Variants in SYT16 observed in about 807,000 individuals in gnomAD.
SYT16 encodes synaptotagmin 16.
In SYT16, 42 loss-of-function variants were observed where a neutral mutation model predicts 61.4. The ratio of observed to expected loss-of-function variants is 0.68; its 90% confidence interval spans 0.53 to 0.89. SYT16 has a LOEUF of 0.89. Ranked by LOEUF, SYT16 falls within the 40% of genes least tolerant of loss-of-function variation. SYT16 has a pLI of 0.00. For missense variants in SYT16, 804 were observed against 807.3 expected, an observed-to-expected ratio of 1.00 and a Z score of 0.05; for synonymous variants, 314 against 302.3, an observed-to-expected ratio of 1.04 and a Z score of -0.40.
chr14:61,958,562 A>C (rs533724702), intron 1 of SYT16, among the ~76,000 whole-genome samples: 52 of 152,002 alleles, frequency 3.4e-4, no homozygotes, highest in African/African-American at 1.1e-3. Context: ...TGTATTTGTG[A>C]ATTTCCCATT....
At chr14:62,047,048 A>T (rs1001009507) in intron 3 of SYT16, among the ~76,000 whole-genome samples, 1 of 152,158 alleles carries the variant, frequency 6.6e-6, no homozygotes, top group African/African-American at 2.4e-5. Flanking sequence ...CTTGGGCAGT[A>T]TGGCCATTTT....
At chr14:61,874,809 T>C (rs1566643773) in intron 1 of SYT16, among the ~76,000 whole-genome samples, 1 of 150,552 alleles carries the variant, frequency 6.6e-6, no homozygotes, top group East Asian at 2.0e-4. Flanking sequence ...ACTTTGCACA[T>C]AAGAAATTTT....
intron 1 of SYT16, among the ~76,000 whole-genome samples, chr14:61,911,091 A>G (rs1421408818): frequency 6.6e-6 from 1 of 152,244 alleles, no homozygotes; most frequent in African/African-American, 2.4e-5. Context: ...CTTTGAATTT[A>G]CACACTTGAA....
In SYT16 at chr14:61,995,974, T is replaced by C. The variant is rs748367187; in HGVS notation, c.-46T>C. On this transcript the variant is annotated 5_prime_UTR_variant, in exon 3 of 8. Coordinates refer to ENST00000683842, the MANE Select transcript of SYT16 (RefSeq NM_001367656.1). ...ATAGTTCACATTCAATCCAGAGCAC[T>C]GAAGGAACTGAACAACTGGACACTG... The C allele has an allele frequency of 2.6e-6, 4 of 1,520,064 alleles. No homozygotes were observed. The highest frequency in any genetic ancestry group is 8.8e-7 in the Non-Finnish European group (1 of 1,135,088). 94.2% of individuals were successfully genotyped at this position (1,520,064 alleles called of 1,614,324 possible).
chr14:61,902,263 C>A (rs941835143), intron 1 of SYT16, among the ~76,000 whole-genome samples: 1 of 152,132 alleles, frequency 6.6e-6, no homozygotes, highest in Non-Finnish European at 1.5e-5. Flanking sequence ...AAATTACTTG[C>A]GATTCTCTCA....
At chr14:62,072,133 CT>C (rs371165387) in intron 4 of SYT16, among the ~76,000 whole-genome samples, 6 of 152,068 alleles carry the variant, frequency 3.9e-5, no homozygotes, top group African/African-American at 1.4e-4. Context: ...TTTCCTGGGG[CT>C]TTTTCTTTTT....
At chr14:61,831,571 C>G (rs1178903939) in intron 1 of SYT16, among the ~76,000 whole-genome samples, 1 of 152,114 alleles carries the variant, frequency 6.6e-6, no homozygotes, top group Non-Finnish European at 1.5e-5. Flanking sequence ...CTTCTTAGAC[C>G]TCTTTAAACT....
Position 62,081,191 on chromosome 14 carries a change from G to C in SYT16, c.1351G>C (p.Glu451Gln), listed in dbSNP as rs866998317. 4.3e-6 allele frequency: 7 copies of C among 1,614,002 alleles called. No homozygotes were observed. Among genetic ancestry groups the C allele is most frequent in the Non-Finnish European group, 4.2e-6 (5 of 1,179,898 alleles). Residue 451 changes from glutamate to glutamine, a missense_variant, in exon 6 of 8, where the codon GAG becomes CAG. Glu to Gln is a conservative substitution (Grantham distance 29). Transcript: ENST00000683842. ...RKMTRERMMG[E>Q]KLFYLSHLHP... ...GATGACCCGAGAGAGAATGATGGGA[G>C]AGAAACTATTCTATCTCAGCCACCT...
At position 61,977,700 on chromosome 14, in the gene SYT16, A is replaced by AT. The variant is rs542515500; in HGVS notation, c.-145+7396dup. The stretch of plus-strand genomic sequence containing the variant: ...CACAAAGTGTTACCATTATCACCCC[A>AT]TTTTTTTGCCCACCTAATCTTCCCA... On this transcript the variant is annotated intron_variant, in intron 2 of 7. Coordinates refer to ENST00000683842, the MANE Select transcript of SYT16 (RefSeq NM_001367656.1). 1.4e-3 allele frequency among the ~76,000 whole-genome samples: 217 copies of AT among 152,062 alleles called. 2 individuals carry two copies. The highest frequency in any genetic ancestry group is 5.0e-3 in the African/African-American group (206 of 41,480).
intron 7 of SYT16, among the ~76,000 whole-genome samples, chr14:62,098,576 A>G (rs965449270): frequency 6.6e-6 from 1 of 152,202 alleles, no homozygotes; most frequent in Non-Finnish European, 1.5e-5. Context: ...GTTTAGCTTT[A>G]TTGCACAAGT....
intron 1 of SYT16, among the ~76,000 whole-genome samples, chr14:61,867,576 T>A (rs764241043): frequency 2.6e-5 from 4 of 152,204 alleles, no homozygotes; most frequent in South Asian, 2.1e-4. Context: ...TATACAAAAA[T>A]TGTTTTTCTA....
At chr14:61,915,330 CACAT>C (rs2049081339) in intron 1 of SYT16, among the ~76,000 whole-genome samples, 2 of 152,096 alleles carry the variant, frequency 1.3e-5, no homozygotes, top group Admixed American at 6.6e-5. Flanking sequence ...AAACAGCACA[CACAT>C]ACATTTAATT....
At chr14:61,937,919 A>G (rs1031694348) in intron 1 of SYT16, among the ~76,000 whole-genome samples, 5 of 152,058 alleles carry the variant, frequency 3.3e-5, no homozygotes, top group Non-Finnish European at 7.4e-5. Flanking sequence ...ATAAGGGTCA[A>G]AATGGCATAT....
chr14:62,045,525 A>T (rs547484169), intron 3 of SYT16, among the ~76,000 whole-genome samples: 1 of 152,144 alleles, frequency 6.6e-6, no homozygotes, highest in Admixed American at 6.5e-5. Flanking sequence ...ATATGTATAC[A>T]TGTGCCATGT....
chr14:61,923,725 G>A (rs1337625568), intron 1 of SYT16, among the ~76,000 whole-genome samples: 1 of 152,020 alleles, frequency 6.6e-6, no homozygotes, highest in Non-Finnish European at 1.5e-5. Context: ...TGAATTTTGA[G>A]TTTAGGGGTT....
intron 1 of SYT16, among the ~76,000 whole-genome samples, chr14:61,944,421 G>C (rs1050157777): frequency 1.3e-5 from 2 of 152,138 alleles, no homozygotes; most frequent in Admixed American, 1.3e-4. Flanking sequence ...AGCCCATATA[G>C]CCAAGACAAT....
chr14:61,858,206 A>G (rs2046844929), intron 1 of SYT16, among the ~76,000 whole-genome samples: 1 of 152,040 alleles, frequency 6.6e-6, no homozygotes, highest in Non-Finnish European at 1.5e-5. Flanking sequence ...ACTAAGAGAC[A>G]AAACTTGGCA....
At chr14:62,026,727 G>A (rs188295999) in intron 3 of SYT16, among the ~76,000 whole-genome samples, 142 of 152,256 alleles carry the variant, frequency 9.3e-4, no homozygotes, top group Admixed American at 2.8e-3. Context: ...CCAGTATACC[G>A]CATAGCATGT....
intron 3 of SYT16, among the ~76,000 whole-genome samples, chr14:62,013,753 C>T (rs1452781173): frequency 6.6e-6 from 1 of 152,138 alleles, no homozygotes; most frequent in Non-Finnish European, 1.5e-5. Context: ...ATCATGAGGT[C>T]AGGTGTTCAA....
Sources: allele counts gnomAD v4.1 joint callset (sites outside exome capture counted in the v4.1 genomes callset), GRCh38; gene constraint gnomAD v4.1.1; transcripts MANE v1.5; gene names NCBI Gene and HGNC (gene_info 2026-07-23, HGNC 2026-07-21).